Variants in LRIG1 observed in about 807,000 individuals in gnomAD.
The protein encoded by LRIG1 is leucine-rich repeats and immunoglobulin-like domains protein 1.
LRIG1 carries 48 observed loss-of-function variants against 99.2 expected under a neutral mutation model. That is an observed-to-expected ratio of 0.48 (90% CI 0.38 to 0.62). The LOEUF is 0.62. Ranked by LOEUF, LRIG1 falls within the 20% of genes least tolerant of loss-of-function variation. LRIG1 has a pLI of 0.00. For missense variants in LRIG1, 1,646 were observed against 1,434.4 expected (o/e 1.15, Z -2.38); for synonymous variants, 772 against 596.1 (o/e 1.29, Z -4.30).
chr3:66,397,902 T>C (rs374539934), intron 11 of LRIG1, among the ~76,000 whole-genome samples: 6 of 152,368 alleles, frequency 3.9e-5, no homozygotes, highest in East Asian at 1.9e-4. Flanking sequence ...TATGGGCACA[T>C]AGCCACACCC....
intron 1 of LRIG1, among the ~76,000 whole-genome samples, chr3:66,490,623 T>TAGCTCAATAC (rs1701080487): frequency 7.5e-6 from 1 of 134,128 alleles, no homozygotes; most frequent in African/African-American, 2.8e-5. Flanking sequence ...CTCTCAATAC[T>TAGCTCAATAC]AAGCTTTTCT....
chr3:66,425,835 G>A (rs370304866), intron 3 of LRIG1, among the ~76,000 whole-genome samples: 1 of 152,200 alleles, frequency 6.6e-6, no homozygotes, highest in African/African-American at 2.4e-5. Context: ...ACCTGTTAAA[G>A]GCTTCAAAAA....
rs1189128029 is a variant in LRIG1, at chr3:66,500,588, G to T, written c.-181C>A. 2 of 365,862 alleles carry T rather than the reference G, an allele frequency of 5.5e-6. No individual in the cohort carries two copies. Among genetic ancestry groups the T allele is most frequent in the African/African-American group, 4.2e-5 (2 of 47,168 alleles). The allele number at this position is 365,862 out of a possible 1,614,324, so 22.7% of individuals were successfully genotyped here. A position where few individuals can be genotyped will look rare whatever the true frequency, so the allele number is the denominator to read the frequency against. ...CACTCAGCGTGCCCCCGGTGCCCGG[G>T]CCGCTCCGGAGCACCCGGCGGGGGC... On this transcript the variant is annotated 5_prime_UTR_variant, in exon 1 of 19. Transcript: ENST00000273261.
In LRIG1 at chr3:66,383,299, G is replaced by A; in HGVS notation, c.2174C>T (p.Thr725Ile). 1 of 1,610,484 alleles carries A rather than the reference G, an allele frequency of 6.2e-7. No homozygotes were observed. The highest frequency in any genetic ancestry group is 8.5e-7 in the Non-Finnish European group (1 of 1,176,950). The change falls in exon 15 of 19, where the codon ACC becomes ATC. Residue 725 changes from threonine (T) to isoleucine (I), a missense_variant. Coordinates refer to ENST00000273261, the MANE Select transcript of LRIG1 (RefSeq NM_015541.3). The stretch of plus-strand genomic sequence containing the variant: ...CAGCGGGCGGTCCCCCTTGAACCAG[G>A]TGATGCGGGGCGGAGGGTTCCCCGT... ...KATGNPPPRI[T>I]WFKGDRPLSL...
intron 1 of LRIG1, among the ~76,000 whole-genome samples, chr3:66,480,902 A>C (rs897085531): frequency 6.6e-6 from 1 of 152,222 alleles, no homozygotes; most frequent in Admixed American, 6.5e-5. Context: ...AGTTAGATTA[A>C]GATTAAGATC....
intron 1 of LRIG1, among the ~76,000 whole-genome samples, chr3:66,497,647 G>A (rs1279822226): frequency 3.4e-5 from 4 of 117,404 alleles, no homozygotes; most frequent in African/African-American, 1.3e-4. Flanking sequence ...CTATTTAAAA[G>A]TTTTATTTTT....
At chr3:66,436,590 C>CAT (rs1703366362) in intron 3 of LRIG1, among the ~76,000 whole-genome samples, 1 of 152,170 alleles carries the variant, frequency 6.6e-6, no homozygotes, top group Non-Finnish European at 1.5e-5. Context: ...GGTCAAAAGA[C>CAT]ATACAACGCA....
In LRIG1 at chr3:66,384,094, C is replaced by T. The variant is rs749253251; in HGVS notation, c.1968G>A (p.Val656=). Residue 656 remains valine (V), a synonymous_variant, in exon 14 of 19, where the codon GTG becomes GTA. Coordinates refer to ENST00000273261, the MANE Select transcript of LRIG1 (RefSeq NM_015541.3). ...CTATTTTCACATCAGTGATGAAAAACACGTCGTCATCCGGCATGACATGCA... is the reference window on the plus strand; with the variant it reads ...CTATTTTCACATCAGTGATGAAAAATACGTCGTCATCCGGCATGACATGCA... ...RRMHVMPDDD[V]FFITDVKIDD... 6.2e-7 allele frequency: 1 copy of T among 1,614,150 alleles called. No individual in the cohort carries two copies. The highest frequency in any genetic ancestry group is 8.5e-7 in the Non-Finnish European group (1 of 1,180,046).
Position 66,398,917 on chromosome 3 carries a change from G to A in LRIG1, c.1232+53C>T, listed in dbSNP as rs779955894. 97 of 1,476,984 alleles carry A rather than the reference G, an allele frequency of 6.6e-5. 1 individual carries two copies. Among genetic ancestry groups the A allele is most frequent in the Non-Finnish European group, 8.1e-5 (86 of 1,056,894 alleles). 91.5% of individuals were successfully genotyped at this position (1,476,984 alleles called of 1,614,324 possible). A position where few individuals can be genotyped will look rare whatever the true frequency, so the allele number is the denominator to read the frequency against. ...GATTAAATTGCTAGCAGAACTCCCC[G>A]GCAGCCGCATTCAGCAGGCTGTGCC... On this transcript the variant is annotated intron_variant, in intron 10 of 18. Coordinates refer to ENST00000273261, the MANE Select transcript of LRIG1 (RefSeq NM_015541.3).
chr3:66,459,980 C>T (rs944001832), intron 2 of LRIG1, among the ~76,000 whole-genome samples: 1 of 151,846 alleles, frequency 6.6e-6, no homozygotes, highest in Non-Finnish European at 1.5e-5. Flanking sequence ...TTTTACTCAT[C>T]ATTTTTTTTT....
Position 66,383,161 on chromosome 3 carries a change from G to A in LRIG1, c.2312C>T (p.Thr771Met), listed in dbSNP as rs372364518. Reference protein sequence around the residue: ...YTCEMSNTLGTERAHSQLSVL... With the variant: ...YTCEMSNTLGMERAHSQLSVL... The stretch of plus-strand genomic sequence containing the variant: ...GCTCAGCTGGCTGTGAGCTCGCTCC[G>A]TGCCCAGGGTGTTGGACATCTCACA... Residue 771 changes from threonine (T) to methionine (M), a missense_variant, in exon 15 of 19, where the codon ACG becomes ATG. Coordinates refer to ENST00000273261, the MANE Select transcript of LRIG1 (RefSeq NM_015541.3). 119 of 1,614,230 alleles carry A rather than the reference G, an allele frequency of 7.4e-5. No homozygotes were observed. Among genetic ancestry groups the A allele is most frequent in the Admixed American group, 1.3e-4 (8 of 60,032 alleles).
intron 3 of LRIG1, among the ~76,000 whole-genome samples, chr3:66,423,249 T>C (rs72906729): frequency 0.014 from 2,074 of 152,320 alleles, 50 homozygotes; most frequent in African/African-American, 0.046. Flanking sequence ...TGGTAAATTT[T>C]ATGTTATGTG....
At chr3:66,474,766 G>A (rs1040573443) in intron 1 of LRIG1, among the ~76,000 whole-genome samples, 1 of 152,124 alleles carries the variant, frequency 6.6e-6, no homozygotes, top group Non-Finnish European at 1.5e-5. Flanking sequence ...CTTACAGGGT[G>A]GACCCTAGCG....
rs1289464636 is a variant in LRIG1, at chr3:66,440,843, C to G, written c.365+10716G>C. On this transcript the variant is annotated intron_variant, in intron 3 of 18. Transcript: ENST00000273261. Reference sequence around the variant, plus strand: ...TGAGAAAACTGAGGCCTGAGAGAACCTGCCCAGGTGACATAGCAAAGGTGA... The same window carrying G: ...TGAGAAAACTGAGGCCTGAGAGAACGTGCCCAGGTGACATAGCAAAGGTGA... 3.9e-5 allele frequency among the ~76,000 whole-genome samples: 6 copies of G among 152,308 alleles called. 1 individual carries two copies. The South Asian group carries it at 1.0e-3, about 26-fold the overall frequency.
At chr3:66,489,100 T>C (rs1161603833) in intron 1 of LRIG1, among the ~76,000 whole-genome samples, 1 of 152,214 alleles carries the variant, frequency 6.6e-6, no homozygotes, top group Non-Finnish European at 1.5e-5. Context: ...ACCACTTTCT[T>C]TGTGGAGTAT....
chr3:66,444,886 TAC>T (rs1464176925), intron 3 of LRIG1, among the ~76,000 whole-genome samples: 2 of 94,606 alleles, frequency 2.1e-5, no homozygotes, highest in East Asian at 3.1e-4. Context: ...TATATATATA[TAC>T]ACACACACAT....
chr3:66,472,269 A>C (rs1259608694), intron 1 of LRIG1, among the ~76,000 whole-genome samples: 1 of 131,900 alleles, frequency 7.6e-6, no homozygotes, highest in Admixed American at 9.7e-5. Flanking sequence ...ACACTACTGC[A>C]CTCCAGCCTG....
chr3:66,497,587 G>A (rs764230353), intron 1 of LRIG1, among the ~76,000 whole-genome samples: 36 of 148,756 alleles, frequency 2.4e-4, no homozygotes, highest in African/African-American at 7.6e-4. Context: ...AAAATGAACC[G>A]ATTATCATTA....
intron 12 of LRIG1, among the ~76,000 whole-genome samples, chr3:66,389,804 G>A (rs747745819): frequency 1.4e-4 from 21 of 152,060 alleles, no homozygotes; most frequent in Non-Finnish European, 2.4e-4. Context: ...ACTATGAGGG[G>A]ACTTCAAAAA....
Sources: allele counts gnomAD v4.1 joint callset (sites outside exome capture counted in the v4.1 genomes callset), GRCh38; gene constraint gnomAD v4.1.1; transcripts MANE v1.5; gene names NCBI Gene and HGNC (gene_info 2026-07-23, HGNC 2026-07-21).